The following R3HCC1L variants were observed in gnomAD, a reference collection of about 807,000 sequenced individuals.
R3HCC1L encodes the protein R3H domain and coiled-coil containing 1 like.
In R3HCC1L, 51 loss-of-function variants were observed where a neutral mutation model predicts 59.9. That is an observed-to-expected ratio of 0.85 (90% CI 0.68 to 1.07). The LOEUF is 1.07. Among genes scored for constraint, R3HCC1L ranks in the 50% least tolerant of loss-of-function variants. The probability of loss-of-function intolerance (pLI) is 0.00; values close to 1 mark genes in which losing one functional copy is unlikely to be tolerated. For missense variants in R3HCC1L, 965 were observed against 933.0 expected, an observed-to-expected ratio of 1.03 and a Z score of -0.45; for synonymous variants, 322 against 315.2, an observed-to-expected ratio of 1.02 and a Z score of -0.23.
chr10:98,240,198 C>T (rs551373183), intron 9 of R3HCC1L, among the ~76,000 whole-genome samples: 25 of 152,230 alleles, frequency 1.6e-4, no homozygotes, highest in African/African-American at 2.2e-4. Context: ...CCCAGCTACT[C>T]AGCAGGCTGA....
chr10:98,230,964 A>G, intron 5 of R3HCC1L: 1 of 383,560 alleles, frequency 2.6e-6, no homozygotes, highest in Non-Finnish European at 5.1e-6. Context: ...AAGTATAACT[A>G]CTTGTACCAC....
intron 9 of R3HCC1L, among the ~76,000 whole-genome samples, chr10:98,242,425 T>C (rs948311946): frequency 2.0e-5 from 3 of 152,150 alleles, no homozygotes; most frequent in African/African-American, 7.2e-5. Context: ...AACGCCAAAA[T>C]CAGACACATT....
intron 4 of R3HCC1L, among the ~76,000 whole-genome samples, 153 bp downstream of exon 4, chr10:98,163,550 G>A (rs1847647136): frequency 6.6e-6 from 1 of 152,086 alleles, no homozygotes; most frequent in African/African-American, 2.4e-5. Flanking sequence ...AAAGGTATAG[G>A]GTCTTTTGAA....
intron 5 of R3HCC1L, chr10:98,211,307 GGGATT>G (rs1853542903): frequency 6.6e-7 from 1 of 1,510,236 alleles, no homozygotes; most frequent in African/African-American, 1.4e-5. Context: ...ACTTTTTCAG[GGGATT>G]CTGATGCACA....
Position 98,235,454 on chromosome 10 carries a change from A to G in R3HCC1L, c.2062A>G (p.Met688Val), listed in dbSNP as rs1276421562. 2 of 1,613,712 alleles carry G rather than the reference A, an allele frequency of 1.2e-6. No individual in the cohort carries two copies. Among genetic ancestry groups the G allele is most frequent in the Non-Finnish European group, 1.7e-6 (2 of 1,179,772 alleles). The change falls in exon 8 of 10, where the codon ATG becomes GTG. Residue 688 changes from methionine to valine, a missense_variant. Physicochemically the swap from Met to Val is conservative, Grantham distance 21. Coordinates refer to ENST00000298999, the MANE Select transcript of R3HCC1L (RefSeq NM_001351015.2). ...ARDALGIKHTMVKIRPLSQAT... is the reference protein window; with the variant it reads ...ARDALGIKHTVVKIRPLSQAT... ...TGATGCGTTGGGTATTAAACACACC[A>G]TGGTGAAGATTCGTCCCTTGTCACA...
intron 5 of R3HCC1L, among the ~76,000 whole-genome samples, chr10:98,227,858 T>C (rs1249400988): frequency 6.6e-6 from 1 of 152,130 alleles, no homozygotes; most frequent in African/African-American, 2.4e-5. Flanking sequence ...TGCGATAGTT[T>C]GCTGAGAATG....
At chr10:98,172,287 A>G (rs967770120) in intron 4 of R3HCC1L, among the ~76,000 whole-genome samples, 2 of 152,208 alleles carry the variant, frequency 1.3e-5, no homozygotes, top group African/African-American at 4.8e-5. Context: ...CTAGCTTTTC[A>G]AGTAGCTGCT....
rs750156034 is a variant in R3HCC1L, at chr10:98,209,690, G to A, written c.1576G>A (p.Glu526Lys). ...TEALHELRTA[E>K]EFKTEEQDDS... ...AGCATTGCACGAACTAAGAACTGCC[G>A]AAGAGTTCAAAACAGAAGAGCAAGA... is the stretch of plus-strand genomic sequence containing the variant. Residue 526 changes from glutamate to lysine, a missense_variant, in exon 5 of 10, where the codon GAA (glutamate) becomes AAA (lysine). Transcript: ENST00000298999. 7.4e-5 allele frequency: 119 copies of A among 1,613,838 alleles called. No individual in the cohort carries two copies. Among genetic ancestry groups the A allele is most frequent in the Non-Finnish European group, 9.2e-5 (108 of 1,179,932 alleles).
chr10:98,169,696 G>T (rs1396449152), intron 4 of R3HCC1L, among the ~76,000 whole-genome samples: 1 of 152,130 alleles, frequency 6.6e-6, no homozygotes, highest in Non-Finnish European at 1.5e-5. Flanking sequence ...ACTATAAAAA[G>T]ACTTTTTAAA....
chr10:98,166,802 A>G (rs1413332517), intron 4 of R3HCC1L, among the ~76,000 whole-genome samples: 1 of 152,088 alleles, frequency 6.6e-6, no homozygotes, highest in African/African-American at 2.4e-5. Flanking sequence ...AGTAGCTGGG[A>G]CTACAGGTGC....
chr10:98,204,136 C>G (rs115864479), intron 4 of R3HCC1L, among the ~76,000 whole-genome samples: 1 of 152,176 alleles, frequency 6.6e-6, no homozygotes, highest in Non-Finnish European at 1.5e-5. Context: ...CGGCCCAGCA[C>G]GGTGGCTTAC....
At chr10:98,238,594 A>G (rs1358698698) in intron 9 of R3HCC1L, among the ~76,000 whole-genome samples, 9 of 152,302 alleles carry the variant, frequency 5.9e-5, no homozygotes, top group Admixed American at 2.6e-4. Context: ...GAGCTGACCC[A>G]GAGAAGTTAA....
At chr10:98,168,082 G>A (rs1848132697) in intron 4 of R3HCC1L, among the ~76,000 whole-genome samples, 1 of 152,164 alleles carries the variant, frequency 6.6e-6, no homozygotes, top group Non-Finnish European at 1.5e-5. Context: ...TGTAGAAGCA[G>A]ACCAACCTCC....
chr10:98,209,708 G>C lies in R3HCC1L; in HGVS notation c.1594G>C (p.Glu532Gln). The change falls in exon 5 of 10, where the codon GAG (glutamate) becomes CAG (glutamine). Residue 532 changes from glutamate to glutamine, a missense_variant. Physicochemically the swap from Glu to Gln is conservative, Grantham distance 29 (BLOSUM62 2). Coordinates refer to ENST00000298999, the MANE Select transcript of R3HCC1L (RefSeq NM_001351015.2). ...LRTAEEFKTE[E>Q]QDDSGSIEFG... Reference sequence around the variant, plus strand: ...AACTGCCGAAGAGTTCAAAACAGAAGAGCAAGATGACTCAGGGAGTATAGA... The same window carrying C: ...AACTGCCGAAGAGTTCAAAACAGAACAGCAAGATGACTCAGGGAGTATAGA... 1 of 1,613,952 alleles carries C rather than the reference G, an allele frequency of 6.2e-7. No individual in the cohort carries two copies. Among genetic ancestry groups the C allele is most frequent in the African/African-American group, 1.3e-5 (1 of 75,028 alleles).
chr10:98,213,139 A>T (rs1853778345), intron 5 of R3HCC1L, among the ~76,000 whole-genome samples: 1 of 152,198 alleles, frequency 6.6e-6, no homozygotes, highest in Non-Finnish European at 1.5e-5. Flanking sequence ...AGTCACTAAA[A>T]GCAAATTATG....
intron 9 of R3HCC1L, among the ~76,000 whole-genome samples, chr10:98,236,738 T>C (rs1857005796): frequency 6.6e-6 from 1 of 152,214 alleles, no homozygotes; most frequent in Non-Finnish European, 1.5e-5. Context: ...ATATTTCCCC[T>C]GATCCACAAG....
At chr10:98,219,662 AT>A (rs1195016626) in intron 5 of R3HCC1L, among the ~76,000 whole-genome samples, 1 of 152,096 alleles carries the variant, frequency 6.6e-6, no homozygotes, top group Non-Finnish European at 1.5e-5. Flanking sequence ...CAGGTGTAAG[AT>A]TTCCTTAAGC....
At chr10:98,147,783 C>G (rs1281888630) in intron 1 of R3HCC1L, among the ~76,000 whole-genome samples, 1 of 152,078 alleles carries the variant, frequency 6.6e-6, no homozygotes, top group East Asian at 1.9e-4. Flanking sequence ...TGTTTTAATG[C>G]CAGTACCATA....
At chr10:98,209,966 AT>A in intron 5 of R3HCC1L, 67 bp downstream of exon 5, 1 of 1,256,062 alleles carries the variant, frequency 8.0e-7, no homozygotes, top group Non-Finnish European at 1.1e-6. Context: ...GGTAATTTTG[AT>A]AGACAGTGAT....
Sources: allele counts gnomAD v4.1 joint callset (sites outside exome capture counted in the v4.1 genomes callset), GRCh38; gene constraint gnomAD v4.1.1; transcripts MANE v1.5; gene names NCBI Gene and HGNC (gene_info 2026-07-23, HGNC 2026-07-21).